NTM: variants seen among roughly 807,000 people sequenced by gnomAD.
NTM encodes the protein neurotrimin.
NTM carries 13 observed loss-of-function variants against 42.1 expected under a neutral mutation model. That is an observed-to-expected ratio of 0.31 (90% confidence interval 0.20 to 0.49). The LOEUF is 0.49. Among genes scored for constraint, NTM ranks in the 20% least tolerant of loss-of-function variants. The pLI, the probability that NTM is intolerant of heterozygous loss-of-function variation, is 0.99. For synonymous variants in NTM, 187 were observed against 179.2 expected (o/e 1.04, Z -0.35); for missense variants, 373 against 452.8 (o/e 0.82, Z 1.60).
intron 2 of NTM, among the ~76,000 whole-genome samples, chr11:132,065,401 C>G (rs1193601429): frequency 6.6e-6 from 1 of 152,144 alleles, no homozygotes; most frequent in Non-Finnish European, 1.5e-5. Flanking sequence ...CTTCTTATAG[C>G]AGAGTTAACC....
chr11:131,855,801 A>C (rs1331566000), intron 1 of NTM, among the ~76,000 whole-genome samples: 1 of 152,180 alleles, frequency 6.6e-6, no homozygotes, highest in Non-Finnish European at 1.5e-5. Context: ...AGCTCCCTAC[A>C]CATCAGAGAC....
At chr11:131,931,468 C>CGTGTGTGTGTGTGTGT (rs147069139) in intron 2 of NTM, among the ~76,000 whole-genome samples, 1 of 142,604 alleles carries the variant, frequency 7.0e-6, no homozygotes, top group Non-Finnish European at 1.5e-5. Context: ...ATAATATATA[C>CGTGTGTGTGTGTGTGT]GTGTGTGTGT....
At chr11:131,741,162 T>TGAGA (rs71067330) in intron 1 of NTM, among the ~76,000 whole-genome samples, 2,522 of 129,730 alleles carry the variant, frequency 0.019, 44 homozygotes, top group African/African-American at 0.037. Flanking sequence ...AAGACCCCGT[T>TGAGA]GAGAGAGAGA....
intron 1 of NTM, among the ~76,000 whole-genome samples, chr11:131,640,055 A>T (rs762444596): frequency 5.3e-5 from 8 of 152,214 alleles, no homozygotes. Flanking sequence ...CTAGGAAGAC[A>T]TGGGGGCGTC....
intron 3 of NTM, among the ~76,000 whole-genome samples, chr11:132,149,652 G>A (rs10894515): frequency 0.19 from 28,294 of 151,968 alleles, 2,737 homozygotes; most frequent in South Asian, 0.24. Flanking sequence ...CTGTGGTTCT[G>A]ATCCAATATG....
At chr11:132,088,042 C>A (rs1326028318) in intron 2 of NTM, among the ~76,000 whole-genome samples, 1 of 152,192 alleles carries the variant, frequency 6.6e-6, no homozygotes, top group Non-Finnish European at 1.5e-5. Flanking sequence ...TGCACCCCAG[C>A]CAAGAGGGAA....
At chr11:131,912,414 GGGA>G (rs139160460) in intron 2 of NTM, among the ~76,000 whole-genome samples, 11,049 of 152,208 alleles carry the variant, frequency 0.073, 445 homozygotes, top group East Asian at 0.12. Flanking sequence ...CAGGCACTGG[GGGA>G]GGAGAAGAAG....
chr11:131,839,779 G>A (rs1449762316), intron 1 of NTM, among the ~76,000 whole-genome samples: 1 of 152,246 alleles, frequency 6.6e-6, no homozygotes, highest in African/African-American at 2.4e-5. Context: ...AAACAGTATG[G>A]AAACTGTTGT....
chr11:131,526,577 T>C (rs1194126550), intron 1 of NTM, among the ~76,000 whole-genome samples: 1 of 152,206 alleles, frequency 6.6e-6, no homozygotes, highest in East Asian at 1.9e-4. Context: ...TTATCTCTAA[T>C]TGACTTAAGT....
Position 132,002,320 on chromosome 11 carries a change from C to T in NTM, c.167+90672C>T, listed in dbSNP as rs1332915997. Among the ~76,000 whole-genome samples, 2 of 152,080 alleles carry T rather than the reference C, an allele frequency of 1.3e-5. No homozygotes were observed. Among genetic ancestry groups the T allele is most frequent in the Admixed American group, 6.5e-5 (1 of 15,270 alleles). ...TTAATAATTATTTAGTTATTTGGAA[C>T]ATTAATATGCTGGTGTATCATATAT... is the stretch of plus-strand genomic sequence containing the variant. On this transcript the variant is annotated intron_variant, in intron 2 of 8. Transcript: ENST00000683400. This position sits in a 1 kb window ranked among gnomAD's most constrained non-coding sequence, Gnocchi z 4.5.
At chr11:131,818,735 G>T (rs2093053365) in intron 1 of NTM, among the ~76,000 whole-genome samples, 1 of 152,164 alleles carries the variant, frequency 6.6e-6, no homozygotes, top group African/African-American at 2.4e-5. Flanking sequence ...AAAGGCGGTT[G>T]CTATCGTGCT....
At chr11:131,815,530 A>G (rs2092916878) in intron 1 of NTM, among the ~76,000 whole-genome samples, 1 of 152,200 alleles carries the variant, frequency 6.6e-6, no homozygotes, top group South Asian at 2.1e-4. Context: ...ATTTTCTTGA[A>G]GAATCCTTTT....
At chr11:132,057,014 C>A (rs1019256376) in intron 2 of NTM, among the ~76,000 whole-genome samples, 12 of 152,330 alleles carry the variant, frequency 7.9e-5, no homozygotes, top group Admixed American at 3.3e-4. Flanking sequence ...TCACTGCATT[C>A]TTCCCCCACA....
chr11:132,117,391 G>A (rs76658755), intron 2 of NTM, among the ~76,000 whole-genome samples: 2,007 of 152,316 alleles, frequency 0.013, 25 homozygotes, highest in Non-Finnish European at 0.02. Flanking sequence ...GCCCCACCTT[G>A]CTTGGCTTCC....
chr11:132,035,644 T>A (rs1182841235), intron 2 of NTM, among the ~76,000 whole-genome samples: 1 of 151,982 alleles, frequency 6.6e-6, no homozygotes, highest in Non-Finnish European at 1.5e-5. Context: ...TGTGTGGCAG[T>A]GGGAGGGGTG....
chr11:131,383,225 G>A (rs1326742842), intron 1 of NTM, among the ~76,000 whole-genome samples: 1 of 152,190 alleles, frequency 6.6e-6, no homozygotes, highest in Non-Finnish European at 1.5e-5. Context: ...ATGGCCAGGT[G>A]CTTACTTACA....
chr11:131,700,452 C>T (rs529655724), intron 1 of NTM, among the ~76,000 whole-genome samples: 6 of 152,268 alleles, frequency 3.9e-5, no homozygotes, highest in South Asian at 2.1e-4. Context: ...CTATATCTCT[C>T]GCCAAGACCT....
chr11:132,307,638 T>C lies in NTM; in HGVS notation c.527-51T>C, dbSNP rs373868261. On this transcript the variant is annotated intron_variant, in intron 4 of 8. Transcript: ENST00000683400. ...TACTTTGTTTTCTAAGTGAACATGT[T>C]TGGTCTTTTTTTTCCTTGTATTTCA... 3.7e-6 allele frequency: 6 copies of C among 1,607,930 alleles called. No homozygotes were observed. The African/African-American group carries it at 8.0e-5, about 22-fold the overall frequency.
At position 132,097,142 on chromosome 11, in the gene NTM, A is replaced by G. The variant is rs141649015; in HGVS notation, c.168-49140A>G. Among the ~76,000 whole-genome samples the G allele has an allele frequency of 7.1e-3, 1,089 of 152,368 alleles. 41 individuals are homozygous for G. Among genetic ancestry groups the G allele is most frequent in the Admixed American group, 0.065 (997 of 15,306 alleles). Reference sequence around the variant, plus strand: ...AATGGAATTCCTGAGAATTTAGGTTACAGAGAGGCTGCTTAAGACATATGT... The same window carrying G: ...AATGGAATTCCTGAGAATTTAGGTTGCAGAGAGGCTGCTTAAGACATATGT... On this transcript the variant is annotated intron_variant, in intron 2 of 8. Transcript: ENST00000683400.
Sources: allele counts gnomAD v4.1 joint callset (sites outside exome capture counted in the v4.1 genomes callset), GRCh38; gene constraint gnomAD v4.1.1; non-coding constraint Gnocchi (gnomAD v3.1); transcripts MANE v1.5; gene names NCBI Gene and HGNC (gene_info 2026-07-23, HGNC 2026-07-21).